The following VPS54 variants were observed in gnomAD, a reference collection of about 807,000 sequenced individuals.
The protein encoded by VPS54 is VPS54 subunit of GARP complex, also known as vacuolar protein sorting-associated protein 54.
In VPS54, 45 loss-of-function variants were observed where a neutral mutation model predicts 121.5. The observed-to-expected ratio is 0.37, with a 90% CI of 0.29 to 0.47. The LOEUF is 0.47. VPS54 is among the 20% of genes least tolerant of loss of function. The probability of loss-of-function intolerance (pLI) is 0.99; values close to 1 mark genes in which losing one functional copy is unlikely to be tolerated. For missense variants in VPS54, 1,090 were observed against 1,131.4 expected, an observed-to-expected ratio of 0.96 and a Z score of 0.52; for synonymous variants, 371 against 385.8, an observed-to-expected ratio of 0.96 and a Z score of 0.45.
At chr2:63,908,235 TAA>T (rs1202018377) in intron 20 of VPS54, among the ~76,000 whole-genome samples, 1 of 152,076 alleles carries the variant, frequency 6.6e-6, no homozygotes, top group Non-Finnish European at 1.5e-5. Context: ...TACTCTATAA[TAA>T]AACGGAACAA....
chr2:63,900,752 G>C (rs967542851), intron 20 of VPS54, among the ~76,000 whole-genome samples: 4 of 151,370 alleles, frequency 2.6e-5, no homozygotes, highest in African/African-American at 9.7e-5. Flanking sequence ...CTCAAATCTG[G>C]TTTTTTTTGT....
chr2:63,912,769 C>T, intron 18 of VPS54, 108 bp from the exon 19 acceptor site: 1 of 1,340,418 alleles, frequency 7.5e-7, no homozygotes, highest in Non-Finnish European at 1.0e-6. Context: ...TATAAAGAAC[C>T]AGTTTATTTC....
chr2:63,972,729 T>G (rs765063294), intron 3 of VPS54, among the ~76,000 whole-genome samples: 10 of 151,826 alleles, frequency 6.6e-5, no homozygotes, highest in Non-Finnish European at 1.3e-4. Flanking sequence ...CTACCAAAAA[T>G]TAGCCAGGAG....
chr2:63,913,172 T>C, intron 18 of VPS54, 51 bp downstream of exon 18: 1 of 1,477,114 alleles, frequency 6.8e-7, no homozygotes, highest in Non-Finnish European at 9.3e-7. Context: ...ATGAGAACAG[T>C]GACATCACTG....
chr2:64,003,236 A>T (rs1287066618), intron 1 of VPS54, among the ~76,000 whole-genome samples: 1 of 152,204 alleles, frequency 6.6e-6, no homozygotes, highest in East Asian at 1.9e-4. Context: ...AGCACTAAAC[A>T]CAGGGAACTA....
In VPS54 at chr2:63,897,602, A is replaced by G; in HGVS notation, c.2734-12T>C. 1 of 1,430,834 alleles carries G rather than the reference A, an allele frequency of 7.0e-7. No homozygotes were observed. Among genetic ancestry groups the G allele is most frequent in the Non-Finnish European group, 9.7e-7 (1 of 1,032,578 alleles). 88.6% of individuals were successfully genotyped at this position (1,430,834 alleles called of 1,614,324 possible). On this transcript the variant is annotated splice_polypyrimidine_tract_variant and intron_variant, in intron 21 of 22. Coordinates refer to ENST00000272322, the MANE Select transcript of VPS54 (RefSeq NM_016516.3). The stretch of plus-strand genomic sequence containing the variant: ...CTTAAAAATAACATCTGAAAAAGAA[A>G]TAAAACTAAGTTTCTTAAAGTTCTA...
At chr2:63,949,219 T>C in intron 7 of VPS54, 56 bp from the exon 8 acceptor site, 5 of 1,545,332 alleles carry the variant, frequency 3.2e-6, no homozygotes, top group Non-Finnish European at 4.3e-6. Flanking sequence ...ACAAATTCGC[T>C]CCACAATCAA....
intron 1 of VPS54, among the ~76,000 whole-genome samples, chr2:63,989,746 T>A (rs186916449): frequency 1.3e-5 from 2 of 152,316 alleles, no homozygotes; most frequent in Non-Finnish European, 2.9e-5. Flanking sequence ...ATCTCTTCTA[T>A]ATTACACTCT....
chr2:63,896,099 T>C (rs974358357), intron 22 of VPS54, among the ~76,000 whole-genome samples: 6 of 152,254 alleles, frequency 3.9e-5, no homozygotes, highest in Non-Finnish European at 5.9e-5. Flanking sequence ...AGGTCTCTTA[T>C]GTATGTACCA....
At chr2:63,943,821 C>T (rs1674851411) in intron 10 of VPS54, among the ~76,000 whole-genome samples, 1 of 150,756 alleles carries the variant, frequency 6.6e-6, no homozygotes, top group African/African-American at 2.4e-5. Context: ...ACCTCCCAGG[C>T]TCAAACCATC....
At chr2:63,970,220 C>T (rs893689820) in intron 4 of VPS54, among the ~76,000 whole-genome samples, 1 of 86,570 alleles carries the variant, frequency 1.2e-5, no homozygotes, top group African/African-American at 4.9e-5. Context: ...TATACACACA[C>T]ACACACACAC....
At chr2:63,930,611 A>G (rs866282019) in intron 12 of VPS54, among the ~76,000 whole-genome samples, 1 of 152,286 alleles carries the variant, frequency 6.6e-6, no homozygotes, top group African/African-American at 2.4e-5. Flanking sequence ...CACAAGACAC[A>G]GATGCCCTTT....
At chr2:63,943,240 C>T (rs72891062) in intron 10 of VPS54, among the ~76,000 whole-genome samples, 15,835 of 152,146 alleles carry the variant, frequency 0.1, 1,444 homozygotes, top group African/African-American at 0.25. Context: ...AAAAGTAATA[C>T]AAATTCATTC....
intron 1 of VPS54, among the ~76,000 whole-genome samples, chr2:64,013,102 T>C (rs1392102555): frequency 6.6e-6 from 1 of 152,212 alleles, no homozygotes; most frequent in African/African-American, 2.4e-5. Flanking sequence ...CTATTAAGTA[T>C]CCTCTATAAA....
chr2:64,016,360 G>A (rs1678688824), intron 1 of VPS54, among the ~76,000 whole-genome samples: 1 of 151,982 alleles, frequency 6.6e-6, no homozygotes, highest in Non-Finnish European at 1.5e-5. Context: ...ATTTTAACAT[G>A]TACACTGATT....
At chr2:63,894,769 T>TCA (rs1672374673) in intron 22 of VPS54, among the ~76,000 whole-genome samples, 1 of 151,130 alleles carries the variant, frequency 6.6e-6, no homozygotes, top group African/African-American at 2.4e-5. Context: ...TAAACATATA[T>TCA]CAACATAGAT....
intron 12 of VPS54, among the ~76,000 whole-genome samples, chr2:63,933,275 TCA>T (rs138664731): frequency 0.027 from 4,083 of 152,178 alleles, 175 homozygotes; most frequent in African/African-American, 0.094. Flanking sequence ...AAACAGATCT[TCA>T]CAACATATAA....
At chr2:64,001,618 G>T (rs1459601165) in intron 1 of VPS54, among the ~76,000 whole-genome samples, 1 of 152,026 alleles carries the variant, frequency 6.6e-6, no homozygotes, top group Non-Finnish European at 1.5e-5. Flanking sequence ...TCCCTTCAAG[G>T]CAACAGGTTC....
intron 1 of VPS54, among the ~76,000 whole-genome samples, chr2:63,994,429 G>A (rs1677484402): frequency 6.6e-6 from 1 of 151,020 alleles, no homozygotes; most frequent in South Asian, 2.1e-4. Flanking sequence ...CCACTCACCT[G>A]GATGGACGCT....
Sources: gnomAD v4.1 joint callset for allele counts (sites outside exome capture counted in the v4.1 genomes callset) on GRCh38, gnomAD v4.1.1 for gene constraint, MANE v1.5 for transcripts, NCBI Gene and HGNC (gene_info 2026-07-23, HGNC 2026-07-21) for gene names.